The following AGAP1 variants were observed in gnomAD, a reference collection of about 807,000 sequenced individuals.
AGAP1 encodes arf-GAP with GTPase, ANK repeat and PH domain-containing protein 1.
AGAP1 carries 29 observed loss-of-function variants against 105.3 expected under a neutral mutation model. The observed-to-expected ratio is 0.28, with a 90% CI of 0.21 to 0.38. The LOEUF is 0.38. Ranked by LOEUF, AGAP1 falls within the 10% of genes least tolerant of loss-of-function variation. AGAP1 has a pLI of 1.00. For synonymous variants in AGAP1, 509 were observed against 485.9 expected (o/e 1.05, Z -0.63); for missense variants, 998 against 1,165.1 (o/e 0.86, Z 2.09).
At position 235,557,332 on chromosome 2, in the gene AGAP1, G is replaced by A. The variant is rs186682897; in HGVS notation, c.163+62483G>A. ...TTCACCTTGGAAGCTGTTGCTCACCGCGTGTTGATTTTATTTAAGACTGGA... is the reference window on the plus strand; with the variant it reads ...TTCACCTTGGAAGCTGTTGCTCACCACGTGTTGATTTTATTTAAGACTGGA... On this transcript the variant is annotated intron_variant, in intron 1 of 17. Transcript: ENST00000304032. This position sits in a 1 kb window ranked among gnomAD's most constrained non-coding sequence, Gnocchi z 4.7. Among the ~76,000 whole-genome samples the A allele has an allele frequency of 7.4e-4, 112 of 152,152 alleles. No homozygotes were observed. Among genetic ancestry groups the A allele is most frequent in the African/African-American group, 2.5e-3 (105 of 41,500 alleles).
chr2:236,124,142 GCTCGCCGCACCTGGGACGCGGCAGC>G lies in AGAP1; in HGVS notation c.*30_*54del, dbSNP rs767681770. The G allele has an allele frequency of 5.0e-6, 8 of 1,610,158 alleles. No homozygotes were observed. The highest frequency in any genetic ancestry group is 5.9e-6 in the Non-Finnish European group (7 of 1,177,018). On this transcript the variant is annotated 3_prime_UTR_variant, in exon 18 of 18. Transcript: ENST00000304032. The surrounding 1 kb of genome is among the most constrained non-coding windows in gnomAD (Gnocchi z 5.1). ...ATCTGAGGAACAGCCGTGCCCGCCT[GCTCGCCGCACCTGGGACGCGGCAGC>G]CTCGCCGCATTCTCGCTCAGAAGTC...
chr2:235,726,339 G>A (rs1408484506), intron 3 of AGAP1, among the ~76,000 whole-genome samples: 1 of 152,158 alleles, frequency 6.6e-6, no homozygotes, highest in African/African-American at 2.4e-5. Flanking sequence ...TGACACAACT[G>A]TTGCTTTCCT....
Position 235,663,575 on chromosome 2 carries a change from T to G in AGAP1, c.164-45604T>G, listed in dbSNP as rs1389066113. Among the ~76,000 whole-genome samples the G allele has an allele frequency of 6.6e-6, 1 of 152,150 alleles. No individual in the cohort carries two copies. The highest frequency in any genetic ancestry group is 1.5e-5 in the Non-Finnish European group (1 of 68,020). On this transcript the variant is annotated intron_variant, in intron 1 of 17. Transcript: ENST00000304032. The surrounding 1 kb of genome is among the most constrained non-coding windows in gnomAD (Gnocchi z 5.4). ...GCTTTGTAATGGGGCTGGCAAAAAT[T>G]CCCAGGGCATCGTTTGTGGCCTCAA... is the stretch of plus-strand genomic sequence containing the variant.
At chr2:235,770,059 TA>T in intron 6 of AGAP1, among the ~76,000 whole-genome samples, 1 of 152,100 alleles carries the variant, frequency 6.6e-6, no homozygotes, top group East Asian at 1.9e-4. Flanking sequence ...AGACAGCAAG[TA>T]AAAATCACCT....
intron 1 of AGAP1, among the ~76,000 whole-genome samples, chr2:235,652,165 A>G (rs1049912016): frequency 6.6e-5 from 10 of 152,178 alleles, no homozygotes; most frequent in African/African-American, 2.4e-4. Flanking sequence ...GGCAGCTTTT[A>G]TAGTGACTTC....
chr2:235,580,203 A>G (rs1377142631), intron 1 of AGAP1, among the ~76,000 whole-genome samples: 1 of 152,106 alleles, frequency 6.6e-6, no homozygotes, highest in African/African-American at 2.4e-5. Flanking sequence ...TGCAGCTATG[A>G]ACGTGCGTGT....
chr2:235,894,954 A>G (rs1178646174), intron 10 of AGAP1, among the ~76,000 whole-genome samples: 1 of 152,188 alleles, frequency 6.6e-6, no homozygotes. Context: ...CTCAAGGTCA[A>G]TTATGCAGTG....
intron 1 of AGAP1, among the ~76,000 whole-genome samples, chr2:235,594,878 T>A (rs1441198095): frequency 4.4e-5 from 6 of 137,592 alleles, no homozygotes; most frequent in African/African-American, 1.4e-4. Flanking sequence ...CCGGCCCAGA[T>A]TGCTGTTTTT....
At chr2:235,859,393 TC>T (rs59735813) in intron 9 of AGAP1, among the ~76,000 whole-genome samples, 6,998 of 24,250 alleles carry the variant, frequency 0.29, 804 homozygotes, top group African/African-American at 0.43. Context: ...CCCCACAACC[TC>T]CCCCCCCCCC....
rs539106699 is a variant in AGAP1 at position 235,669,459 on chromosome 2, G to T, written c.164-39720G>T. On this transcript the variant is annotated intron_variant, in intron 1 of 17. Transcript: ENST00000304032. Reference sequence around the variant, plus strand: ...CCTCGGAGGCTCCGGTCCGCGCTGCGTCGATCCATCCCGGCGCTTGGGCCT... The same window carrying T: ...CCTCGGAGGCTCCGGTCCGCGCTGCTTCGATCCATCCCGGCGCTTGGGCCT... 117 of 153,252 alleles carry T rather than the reference G, an allele frequency of 7.6e-4. 1 individual carries two copies. The South Asian group carries it at 0.016, about 21-fold the overall frequency. The allele number at this position is 153,252 out of a possible 1,614,324, so 9.5% of individuals were successfully genotyped here. A position where few individuals can be genotyped will look rare whatever the true frequency, so the allele number is the denominator to read the frequency against.
intron 1 of AGAP1, among the ~76,000 whole-genome samples, chr2:235,527,440 G>T (rs184457854): frequency 6.6e-6 from 1 of 152,274 alleles, no homozygotes; most frequent in African/African-American, 2.4e-5. Context: ...GCACGATCAT[G>T]GCTCTCTGTA....
intron 12 of AGAP1, among the ~76,000 whole-genome samples, chr2:235,933,067 G>C (rs887401463): frequency 1.3e-5 from 2 of 152,220 alleles, no homozygotes; most frequent in Non-Finnish European, 1.5e-5. Context: ...GATGCCCCAG[G>C]TGTCAGCCTG....
chr2:235,936,189 T>C lies in AGAP1; in HGVS notation c.1483+5266T>C, dbSNP rs2052979538. ...TGCATTTCTTCACGTGACTCTTCCA[T>C]GTGGCTCTTGAGCCTCACTTCCCTC... is the stretch of plus-strand genomic sequence containing the variant. On this transcript the variant is annotated intron_variant, in intron 12 of 17. Transcript: ENST00000304032. This position sits in a 1 kb window ranked among gnomAD's most constrained non-coding sequence, Gnocchi z 4.7. Among the ~76,000 whole-genome samples the C allele has an allele frequency of 1.3e-5, 2 of 152,332 alleles. No homozygotes were observed. Among genetic ancestry groups the C allele is most frequent in the Admixed American group, 6.5e-5 (1 of 15,310 alleles).
intron 1 of AGAP1, among the ~76,000 whole-genome samples, chr2:235,536,085 T>C (rs923253723): frequency 1.3e-5 from 2 of 150,540 alleles, no homozygotes; most frequent in Non-Finnish European, 2.9e-5. Context: ...TTTGCGGCTT[T>C]CTCACGATTT....
At position 236,040,818 on chromosome 2, in the gene AGAP1, A is replaced by C; in HGVS notation, c.1868A>C (p.His623Pro). 6.2e-7 allele frequency: 1 copy of C among 1,613,906 alleles called. No homozygotes were observed. Among genetic ancestry groups the C allele is most frequent in the Non-Finnish European group, 8.5e-7 (1 of 1,179,970 alleles). The change falls in exon 15 of 18, where the codon CAC becomes CCC. Residue 623 changes from histidine (H) to proline (P), a missense_variant. Around this residue, in one of 3 missense-constraint regions of AGAP1, gnomAD observed 735 missense variants for 833.4 expected, o/e 0.88. Transcript: ENST00000304032. The surrounding 1 kb of genome is among the most constrained non-coding windows in gnomAD (Gnocchi z 5.6). Reference sequence around the variant, plus strand: ...ATCCGGAACATGCGCGGGAACTCCCACTGTGTGGACTGCGAGACCCAGAGT... The same window carrying C: ...ATCCGGAACATGCGCGGGAACTCCCCCTGTGTGGACTGCGAGACCCAGAGT... ...QSIRNMRGNS[H>P]CVDCETQNPN... is the part of the protein sequence containing the mutation.
chr2:236,098,068 G>T (rs1276109353), intron 16 of AGAP1, among the ~76,000 whole-genome samples: 3 of 152,124 alleles, frequency 2.0e-5, no homozygotes, highest in Non-Finnish European at 4.4e-5. Flanking sequence ...AGCACATTTT[G>T]CTTATCTAAA....
At chr2:236,070,253 C>T (rs751982592) in intron 16 of AGAP1, among the ~76,000 whole-genome samples, 30 of 152,170 alleles carry the variant, frequency 2.0e-4, no homozygotes, top group Non-Finnish European at 4.3e-4. Context: ...GGCATCAGGG[C>T]GAGTGGTTAG....
In AGAP1 at chr2:235,507,794, G is replaced by A. The variant is rs557132469; in HGVS notation, c.163+12945G>A. Among the ~76,000 whole-genome samples, 4 of 152,214 alleles carry A rather than the reference G, an allele frequency of 2.6e-5. No individual in the cohort carries two copies. The East Asian group carries it at 5.8e-4, about 22-fold the overall frequency. On this transcript the variant is annotated intron_variant, in intron 1 of 17. Coordinates refer to ENST00000304032, the MANE Select transcript of AGAP1 (RefSeq NM_001037131.3). Reference sequence around the variant, plus strand: ...ACCCGTGGACACCAGCCACCTATGGGCCTTTATTTTTATATTTTTAAAAAC... The same window carrying A: ...ACCCGTGGACACCAGCCACCTATGGACCTTTATTTTTATATTTTTAAAAAC...
At chr2:235,862,065 C>T (rs2048948880) in intron 9 of AGAP1, among the ~76,000 whole-genome samples, 1 of 152,044 alleles carries the variant, frequency 6.6e-6, no homozygotes, top group Non-Finnish European at 1.5e-5. Flanking sequence ...GATGGCTTAG[C>T]ACCTGGCGAG....
Sources: gnomAD v4.1 joint callset for allele counts (sites outside exome capture counted in the v4.1 genomes callset) on GRCh38, gnomAD v4.1.1 for gene constraint, gnomAD v4.1.1 regional missense constraint, Gnocchi (gnomAD v3.1) non-coding constraint, MANE v1.5 for transcripts, NCBI Gene and HGNC (gene_info 2026-07-23, HGNC 2026-07-21) for gene names.